CSMD1: variants seen among roughly 807,000 people sequenced by gnomAD.
The protein encoded by CSMD1 is CUB and Sushi multiple domains 1.
Under a neutral mutation model 417.5 loss-of-function variants are expected in CSMD1, and 213 were observed. The ratio of observed to expected loss-of-function variants is 0.51; its 90% CI spans 0.46 to 0.57. CSMD1 has a LOEUF of 0.57. CSMD1 is among the 20% of genes least tolerant of loss of function. The pLI is 0.00. For missense variants in CSMD1, 6,923 were observed against 4,529.7 expected, an observed-to-expected ratio of 1.53 and a Z score of -15.17; for synonymous variants, 2,862 against 1,736.8, an observed-to-expected ratio of 1.65 and a Z score of -16.11.
In CSMD1 at chr8:4,688,195, A is replaced by T. The variant is rs565255629; in HGVS notation, c.86-50637T>A. On this transcript the variant is annotated intron_variant, in intron 1 of 69. Coordinates refer to ENST00000635120, the MANE Select transcript of CSMD1 (RefSeq NM_033225.6). ...TTTTTGTGAGTGTACGAGAGTCAAG[A>T]TTCTTTGGGTTTTAAATATCAATCC... is the stretch of plus-strand genomic sequence containing the variant. 1.7e-4 allele frequency among the ~76,000 whole-genome samples: 26 copies of T among 152,276 alleles called. 1 individual carries two copies. In the South Asian group the frequency reaches 5.4e-3, roughly 32 times the overall value.
intron 40 of CSMD1, among the ~76,000 whole-genome samples, chr8:3,148,819 A>G (rs1438731110): frequency 1.3e-5 from 2 of 152,160 alleles, no homozygotes; most frequent in Admixed American, 1.3e-4. Flanking sequence ...CCAATTTCTC[A>G]CTTCGTATCT....
intron 3 of CSMD1, among the ~76,000 whole-genome samples, chr8:4,248,692 C>G (rs956366493): frequency 1.3e-5 from 2 of 152,146 alleles, no homozygotes; most frequent in Non-Finnish European, 2.9e-5. Context: ...CTAGACATTA[C>G]CAACACTTGT....
In CSMD1 at chr8:4,055,596, G is replaced by A. The variant is rs143357780; in HGVS notation, c.416-23497C>T. ...TCAAAATCAGCTAAGATTTAATAAC[G>A]TTAAGAATTTTAATGAATATAAAAT... is the stretch of plus-strand genomic sequence containing the variant. On this transcript the variant is annotated intron_variant, in intron 3 of 69. Transcript: ENST00000635120. Among the ~76,000 whole-genome samples the A allele has an allele frequency of 2.5e-3, 374 of 151,830 alleles. 2 individuals are homozygous for A. The highest frequency in any genetic ancestry group is 4.3e-3 in the Non-Finnish European group (295 of 67,948).
chr8:4,875,791 T>C (rs1170189361), intron 1 of CSMD1, among the ~76,000 whole-genome samples: 1 of 151,804 alleles, frequency 6.6e-6, no homozygotes, highest in Non-Finnish European at 1.5e-5. Flanking sequence ...TAAGATATAA[T>C]GGTTTGTATA....
chr8:4,936,310 G>A (rs556690319), intron 1 of CSMD1, among the ~76,000 whole-genome samples: 9 of 152,268 alleles, frequency 5.9e-5, no homozygotes, highest in African/African-American at 2.2e-4. Flanking sequence ...ATGGGATTGT[G>A]AATAAACAAA....
At chr8:3,955,141 G>A (rs1308429404) in intron 5 of CSMD1, among the ~76,000 whole-genome samples, 1 of 152,078 alleles carries the variant, frequency 6.6e-6, no homozygotes, top group Non-Finnish European at 1.5e-5. Flanking sequence ...TACCGGTAAC[G>A]GGAAGACAGA....
intron 10 of CSMD1, among the ~76,000 whole-genome samples, chr8:3,573,045 G>C (rs1230765809): frequency 2.0e-5 from 3 of 151,876 alleles, no homozygotes; most frequent in Non-Finnish European, 4.4e-5. Context: ...TTTTTTGTTA[G>C]ACAAATTAAT....
intron 68 of CSMD1, among the ~76,000 whole-genome samples, chr8:2,947,090 A>C (rs1055627402): frequency 6.6e-6 from 1 of 152,206 alleles, no homozygotes; most frequent in Non-Finnish European, 1.5e-5. Context: ...TTATTGAGCC[A>C]TAAGAGTTCT....
rs570017494 is a variant in CSMD1 at position 3,359,127 on chromosome 8, G to C, written c.3304+25C>G. On this transcript the variant is annotated intron_variant, in intron 21 of 69. Coordinates refer to ENST00000635120, the MANE Select transcript of CSMD1 (RefSeq NM_033225.6). Reference sequence around the variant, plus strand: ...CTAGACCCTGCCCCCATGGATGAATGAAATGAAAGCGTGTGACCACCTACC... The same window carrying C: ...CTAGACCCTGCCCCCATGGATGAATCAAATGAAAGCGTGTGACCACCTACC... 3.1e-6 allele frequency: 5 copies of C among 1,611,858 alleles called. No individual in the cohort carries two copies. In the African/African-American group the frequency reaches 5.3e-5, roughly 17 times the overall value.
At chr8:4,951,107 G>A (rs577490859) in intron 1 of CSMD1, among the ~76,000 whole-genome samples, 2 of 152,144 alleles carry the variant, frequency 1.3e-5, no homozygotes, top group African/African-American at 4.8e-5. Flanking sequence ...TGAAAAAAAT[G>A]TCCATCTTTC....
intron 5 of CSMD1, among the ~76,000 whole-genome samples, chr8:3,931,887 T>G (rs1200733770): frequency 6.9e-6 from 1 of 145,220 alleles, no homozygotes; most frequent in Non-Finnish European, 1.5e-5. Flanking sequence ...TTGTCAGACA[T>G]TGTAGGAAAA....
chr8:4,660,169 T>C (rs998733385), intron 1 of CSMD1, among the ~76,000 whole-genome samples: 1 of 131,438 alleles, frequency 7.6e-6, no homozygotes, highest in Non-Finnish European at 1.6e-5. Flanking sequence ...AAGGGAGAAA[T>C]AAAACTGTCC....
intron 10 of CSMD1, among the ~76,000 whole-genome samples, chr8:3,566,158 A>T (rs1303082794): frequency 6.6e-6 from 1 of 152,036 alleles, no homozygotes; most frequent in Non-Finnish European, 1.5e-5. Flanking sequence ...AGAGGAGGCA[A>T]ACAACAAAGA....
chr8:3,897,325 G>A (rs570500779), intron 5 of CSMD1, among the ~76,000 whole-genome samples: 6 of 152,148 alleles, frequency 3.9e-5, no homozygotes, highest in Non-Finnish European at 7.3e-5. Flanking sequence ...AAATACTTGG[G>A]TCAGGTTTCT....
intron 3 of CSMD1, among the ~76,000 whole-genome samples, chr8:4,133,477 C>T (rs3895791): frequency 0.31 from 47,063 of 152,038 alleles, 7,594 homozygotes; most frequent in Middle Eastern, 0.45. Context: ...CCCAAATCAG[C>T]TAGTATAGAA....
At chr8:4,928,008 T>A (rs998365103) in intron 1 of CSMD1, among the ~76,000 whole-genome samples, 1 of 152,082 alleles carries the variant, frequency 6.6e-6, no homozygotes, top group Non-Finnish European at 1.5e-5. Flanking sequence ...ACACCCCACA[T>A]CCTCAGCGGC....
In CSMD1 at chr8:3,660,136, A is replaced by G. The variant is rs552664638; in HGVS notation, c.1010-43339T>C. ...TTTTATAGTTTGCAAAATACTTTCA[A>G]CTACATTATTTCATTTGTAATGAGA... is the stretch of plus-strand genomic sequence containing the variant. On this transcript the variant is annotated intron_variant, in intron 7 of 69. Coordinates refer to ENST00000635120, the MANE Select transcript of CSMD1 (RefSeq NM_033225.6). Among the ~76,000 whole-genome samples the G allele has an allele frequency of 2.6e-4, 39 of 152,318 alleles. No homozygotes were observed. The South Asian group carries it at 4.3e-3, about 17-fold the overall frequency.
intron 37 of CSMD1, among the ~76,000 whole-genome samples, chr8:3,166,791 G>T (rs970107704): frequency 1.3e-5 from 2 of 152,010 alleles, no homozygotes; most frequent in Non-Finnish European, 2.9e-5. Context: ...AGACTAAAAA[G>T]AACTCACAAA....
chr8:4,159,807 G>A (rs1022472271), intron 3 of CSMD1, among the ~76,000 whole-genome samples: 1 of 152,156 alleles, frequency 6.6e-6, no homozygotes, highest in African/African-American at 2.4e-5. Flanking sequence ...CCAGGATAGG[G>A]AGACCATTAT....
Sources: allele counts gnomAD v4.1 joint callset (sites outside exome capture counted in the v4.1 genomes callset), GRCh38; gene constraint gnomAD v4.1.1; transcripts MANE v1.5; gene names NCBI Gene and HGNC (gene_info 2026-07-23, HGNC 2026-07-21).